Variants in SLCO4C1 observed in about 807,000 individuals in gnomAD.
SLCO4C1 encodes solute carrier organic anion transporter family member 4C1.
Under a neutral mutation model 72.1 loss-of-function variants are expected in SLCO4C1, and 58 were observed. The observed-to-expected ratio is 0.80, with a 90% confidence interval of 0.65 to 1.00. The LOEUF (loss-of-function observed/expected upper bound fraction) is 1.00, where lower values mean the gene tolerates loss of function less well. Among genes scored for constraint, SLCO4C1 ranks in the 50% least tolerant of loss-of-function variants. The pLI is 0.00. For synonymous variants in SLCO4C1, 297 were observed against 312.5 expected, an observed-to-expected ratio of 0.95 and a Z score of 0.52; for missense variants, 898 against 857.9, an observed-to-expected ratio of 1.05 and a Z score of -0.58.
At chr5:102,258,611 AC>A (rs1748881571) in intron 6 of SLCO4C1, among the ~76,000 whole-genome samples, 1 of 152,130 alleles carries the variant, frequency 6.6e-6, no homozygotes, top group Non-Finnish European at 1.5e-5. Flanking sequence ...ATATGGCTAG[AC>A]CTCTCATAAT....
At position 102,257,833 on chromosome 5, in the gene SLCO4C1, T is replaced by G. The variant is rs563092743; in HGVS notation, c.1273+110A>C. ...CAGGGTTTCACCATGTTGGCCGGGC[T>G]GGTTTTAGTTTAAATTTCAAGGAGG... On this transcript the variant is annotated intron_variant, in intron 7 of 12. Coordinates refer to ENST00000310954, the MANE Select transcript of SLCO4C1 (RefSeq NM_180991.5). The G allele has an allele frequency of 6.8e-4, 674 of 998,292 alleles. 1 individual carries two copies. The African/African-American group carries it at 0.01, about 15-fold the overall frequency. The allele number at this position is 998,292 out of a possible 1,614,324, so 61.8% of individuals were successfully genotyped here.
At chr5:102,279,471 T>G (rs1749312542) in intron 2 of SLCO4C1, among the ~76,000 whole-genome samples, 1 of 152,004 alleles carries the variant, frequency 6.6e-6, no homozygotes, top group Non-Finnish European at 1.5e-5. Context: ...CTCAAATAGT[T>G]TCACTTGCAG....
At chr5:102,278,268 A>G (rs1335575194) in intron 2 of SLCO4C1, among the ~76,000 whole-genome samples, 3 of 152,206 alleles carry the variant, frequency 2.0e-5, no homozygotes, top group Admixed American at 1.3e-4. Flanking sequence ...ACACAGAGAG[A>G]CATTACATAA....
At chr5:102,255,093 A>ATTTATATTTATATTTATAT (rs1491138259) in intron 8 of SLCO4C1, among the ~76,000 whole-genome samples, 1,659 of 152,292 alleles carry the variant, frequency 0.011, 15 homozygotes, top group Non-Finnish European at 0.019. Flanking sequence ...ATATCTATAT[A>ATTTATATTTATATTTATAT]CACACACATA....
chr5:102,265,350 T>A (rs1440753896), intron 3 of SLCO4C1, among the ~76,000 whole-genome samples: 1 of 152,136 alleles, frequency 6.6e-6, no homozygotes, highest in Admixed American at 6.6e-5. Flanking sequence ...AATTTTGTTT[T>A]CGTTGCCTAT....
At chr5:102,237,079 T>G (rs1239228124) in intron 12 of SLCO4C1, 61 bp from the exon 13 acceptor site, 2 of 1,445,540 alleles carry the variant, frequency 1.4e-6, no homozygotes, top group Non-Finnish European at 1.8e-6. Context: ...AAATTATCAC[T>G]GAGAAAAATC....
chr5:102,276,520 T>C (rs748284802), intron 2 of SLCO4C1, among the ~76,000 whole-genome samples: 64 of 152,324 alleles, frequency 4.2e-4, no homozygotes, highest in Non-Finnish European at 7.6e-4. Flanking sequence ...GCAGTTCTTG[T>C]TCCCTTTACC....
chr5:102,284,078 A>G (rs1749404574), intron 2 of SLCO4C1, among the ~76,000 whole-genome samples: 1 of 152,168 alleles, frequency 6.6e-6, no homozygotes. Flanking sequence ...CTCTAACAAC[A>G]TAATTTGTCC....
chr5:102,280,090 C>CAAAAAAAAAAAAAAAAAAAAAAAAAA (rs36217271), intron 2 of SLCO4C1, among the ~76,000 whole-genome samples: 1 of 68,858 alleles, frequency 1.5e-5, no homozygotes, highest in Non-Finnish European at 2.7e-5. Context: ...TGCAATAAGG[C>CAAAAAAAAAAAAAAAAAAAAAAAAAA]AAAAAAAAAA....
chr5:102,268,552 C>G (rs1335967770), intron 3 of SLCO4C1, among the ~76,000 whole-genome samples: 1 of 152,140 alleles, frequency 6.6e-6, no homozygotes, highest in African/African-American at 2.4e-5. Flanking sequence ...TTAATCCATT[C>G]AGCCTATCTA....
At chr5:102,271,004 C>CTATT (rs1462045349) in intron 2 of SLCO4C1, among the ~76,000 whole-genome samples, 198 bp from the exon 3 acceptor site, 2 of 152,072 alleles carry the variant, frequency 1.3e-5, no homozygotes, top group African/African-American at 2.4e-5. Context: ...TTATGAAGGC[C>CTATT]TATTCACTCC....
intron 2 of SLCO4C1, among the ~76,000 whole-genome samples, chr5:102,272,085 G>A (rs1749163280): frequency 6.6e-6 from 1 of 152,110 alleles, no homozygotes; most frequent in Admixed American, 6.6e-5. Flanking sequence ...TAGAAAATGT[G>A]AATAATACAG....
intron 10 of SLCO4C1, among the ~76,000 whole-genome samples, chr5:102,241,222 C>T (rs984805869): frequency 6.6e-6 from 1 of 152,084 alleles, no homozygotes; most frequent in Non-Finnish European, 1.5e-5. Flanking sequence ...TGCCCACTCT[C>T]ATGAATTCTA....
rs1271707013 is a variant in SLCO4C1 at position 102,234,596 on chromosome 5, A to G, written c.*2262T>C. On this transcript the variant is annotated 3_prime_UTR_variant, in exon 13 of 13. Transcript: ENST00000310954. ...GATTTAGTGACCTGTTTATCAAACT[A>G]TTTCTATGGATGGGTTGATTTTTTT... 1 of 152,120 alleles carries G rather than the reference A, an allele frequency of 6.6e-6. No individual in the cohort carries two copies. The highest frequency in any genetic ancestry group is 1.5e-5 in the Non-Finnish European group (1 of 68,014). The allele number at this position is 152,120 out of a possible 1,614,324, so 9.4% of individuals were successfully genotyped here. A position where few individuals can be genotyped will look rare whatever the true frequency, so the allele number is the denominator to read the frequency against.
chr5:102,264,625 G>A (rs1456854435), intron 3 of SLCO4C1, among the ~76,000 whole-genome samples: 2 of 151,796 alleles, frequency 1.3e-5, no homozygotes, highest in Admixed American at 6.6e-5. Flanking sequence ...GTTTATGTTG[G>A]GAACATTCAA....
intron 3 of SLCO4C1, among the ~76,000 whole-genome samples, chr5:102,267,977 A>C (rs1749074698): frequency 6.6e-6 from 1 of 152,110 alleles, no homozygotes; most frequent in Admixed American, 6.6e-5. Context: ...ATTAATATTT[A>C]AAAGTTTTTT....
intron 2 of SLCO4C1, among the ~76,000 whole-genome samples, chr5:102,286,918 A>G (rs1749463281): frequency 6.6e-6 from 1 of 152,024 alleles, no homozygotes; most frequent in African/African-American, 2.4e-5. Context: ...GTTTTTTTCT[A>G]CTTACTAGCT....
intron 8 of SLCO4C1, among the ~76,000 whole-genome samples, chr5:102,251,935 G>A (rs532141176): frequency 6.6e-6 from 1 of 151,878 alleles, no homozygotes; most frequent in East Asian, 1.9e-4. Context: ...AGGAGCTAGA[G>A]TTAGAACTAG....
At chr5:102,292,996 A>C (rs1749583789) in intron 1 of SLCO4C1, among the ~76,000 whole-genome samples, 1 of 152,120 alleles carries the variant, frequency 6.6e-6, no homozygotes, top group Non-Finnish European at 1.5e-5. Flanking sequence ...TACCAGAATG[A>C]GTATATACAT....
Sources: gnomAD v4.1 joint callset for allele counts (sites outside exome capture counted in the v4.1 genomes callset) on GRCh38, gnomAD v4.1.1 for gene constraint, MANE v1.5 for transcripts, NCBI Gene and HGNC (gene_info 2026-07-23, HGNC 2026-07-21) for gene names.